The following WDR37 variants were observed in gnomAD, a reference collection of about 807,000 sequenced individuals.
WDR37 encodes WD repeat-containing protein 37.
A neutral mutation model predicts 62.9 loss-of-function variants in WDR37; 19 were observed. That is an observed-to-expected ratio of 0.30 (90% CI 0.21 to 0.44). The LOEUF is 0.44. WDR37 is among the 20% of genes least tolerant of loss of function. WDR37 has a pLI of 1.00. For synonymous variants in WDR37, 250 were observed against 260.9 expected (o/e 0.96, Z 0.40); for missense variants, 474 against 657.6 (o/e 0.72, Z 3.05).
chr10:1,079,584 G>C (rs932735164), intron 3 of WDR37, among the ~76,000 whole-genome samples: 3 of 151,646 alleles, frequency 2.0e-5, no homozygotes, highest in Non-Finnish European at 4.4e-5. Flanking sequence ...GTCCAGGCTG[G>C]AGTGCTGTGG....
rs59784176 is a variant in WDR37 at position 1,085,237 on chromosome 10, G to A, written c.532+699G>A. ...TCTGCCTGCCTTGGGCTCCCAAAGT[G>A]TTGGGATTACAGGCGTGAGCCATCG... On this transcript the variant is annotated intron_variant, in intron 6 of 13. Transcript: ENST00000263150. Among the ~76,000 whole-genome samples, 159 of 152,122 alleles carry A rather than the reference G, an allele frequency of 1.0e-3. 1 individual carries two copies. The highest frequency in any genetic ancestry group is 2.0e-3 in the Non-Finnish European group (136 of 68,008).
chr10:1,123,345 C>CG, intron 11 of WDR37, among the ~76,000 whole-genome samples: 1 of 152,234 alleles, frequency 6.6e-6, no homozygotes, highest in African/African-American at 2.4e-5. Context: ...CATTGTTGTG[C>CG]AACCACCAGC....
chr10:1,115,862 G>A (rs997097417), intron 11 of WDR37, among the ~76,000 whole-genome samples: 10 of 152,338 alleles, frequency 6.6e-5, no homozygotes, highest in Non-Finnish European at 1.3e-4. Flanking sequence ...CTCTGGGGCG[G>A]AAGTGACATG....
intron 11 of WDR37, among the ~76,000 whole-genome samples, chr10:1,122,610 G>A (rs1466235872): frequency 1.3e-5 from 2 of 152,276 alleles, no homozygotes; most frequent in African/African-American, 4.8e-5. Flanking sequence ...TGGATTGTGT[G>A]CCCTTAGCTC....
intron 4 of WDR37, 75 bp from the exon 5 acceptor site, chr10:1,080,337 A>G (rs769677160): frequency 5.6e-5 from 89 of 1,587,952 alleles, no homozygotes; most frequent in Non-Finnish European, 7.3e-5. Flanking sequence ...CCTGTGCAAG[A>G]CACAAGACCC....
chr10:1,070,113 C>T (rs1307506751), intron 1 of WDR37, among the ~76,000 whole-genome samples: 2 of 150,364 alleles, frequency 1.3e-5, no homozygotes, highest in Non-Finnish European at 2.9e-5. Flanking sequence ...GGCTGAGGCA[C>T]GAGATTCTTG....
intron 11 of WDR37, among the ~76,000 whole-genome samples, chr10:1,122,807 C>A (rs1835626527): frequency 6.6e-6 from 1 of 152,240 alleles, no homozygotes; most frequent in African/African-American, 2.4e-5. Flanking sequence ...AGCACAGCCT[C>A]AGCTGGTGAG....
intron 11 of WDR37, among the ~76,000 whole-genome samples, chr10:1,115,034 T>G (rs74117848): frequency 0.079 from 11,975 of 151,884 alleles, 507 homozygotes; most frequent in East Asian, 0.1. Flanking sequence ...TTTTTTGTTT[T>G]TTTTTTTTTG....
chr10:1,095,911 C>T (rs1472893840), intron 8 of WDR37, among the ~76,000 whole-genome samples: 1 of 152,170 alleles, frequency 6.6e-6, no homozygotes, highest in Non-Finnish European at 1.5e-5. Flanking sequence ...TCTGAACTTC[C>T]AGGACTTTCT....
In WDR37 at chr10:1,084,538, G is replaced by A. The variant is rs1433377878; in HGVS notation, c.532G>A (p.Asp178Asn). ...AGTGGTGCTCGGGACTGCATCAGCC[G>A]GTGAGTCGCACACGGACCTGGCCAG... is the stretch of plus-strand genomic sequence containing the variant. Reference protein sequence around the residue: ...QPVVLGTASADHTALLWSIET... With the variant: ...QPVVLGTASANHTALLWSIET... Residue 178 changes from aspartate to asparagine, a missense_variant and splice_region_variant, in exon 6 of 14, where the codon GAT becomes AAT. Asp to Asn is a conservative substitution (Grantham distance 23, BLOSUM62 1). Coordinates refer to ENST00000263150, the MANE Select transcript of WDR37 (RefSeq NM_014023.4). The A allele has an allele frequency of 2.5e-6, 4 of 1,613,570 alleles. No homozygotes were observed. The highest frequency in any genetic ancestry group is 1.7e-5 in the Admixed American group (1 of 60,014).
chr10:1,064,583 CTTTTTTTTTTTTTTTT>C (rs71376884), intron 1 of WDR37, among the ~76,000 whole-genome samples: 35 of 70,490 alleles, frequency 5.0e-4, no homozygotes, highest in Middle Eastern at 0.011. Flanking sequence ...GACAATGGAT[CTTTTTTTTTTTTTTTT>C]TTTTTTTTTT....
intron 1 of WDR37, among the ~76,000 whole-genome samples, chr10:1,063,778 C>T (rs1379769151): frequency 6.6e-6 from 1 of 152,130 alleles, no homozygotes; most frequent in African/African-American, 2.4e-5. Flanking sequence ...AGTGGAAGTT[C>T]GGCAGGAGGC....
At chr10:1,101,455 C>T (rs1834799108) in intron 9 of WDR37, among the ~76,000 whole-genome samples, 1 of 152,208 alleles carries the variant, frequency 6.6e-6, no homozygotes. Flanking sequence ...CTCCTGGTCT[C>T]ATTTTACCTT....
chr10:1,105,442 T>C lies in WDR37; in HGVS notation c.1103+175T>C, dbSNP rs576894436. On this transcript the variant is annotated intron_variant, in intron 11 of 13. Transcript: ENST00000263150. This position sits in a 1 kb window ranked among gnomAD's most constrained non-coding sequence, Gnocchi z 5.3. ...TCTAAACATTTAGCTCCATTTTGGC[T>C]ATTTCAAAGGATGTAGGAGATTAAG... Among the ~76,000 whole-genome samples, 2 of 152,350 alleles carry C rather than the reference T, an allele frequency of 1.3e-5. No homozygotes were observed. The highest frequency in any genetic ancestry group is 2.1e-4 in the South Asian group (1 of 4,824).
chr10:1,104,789 T>C (rs1269330484), intron 10 of WDR37, among the ~76,000 whole-genome samples: 1 of 152,226 alleles, frequency 6.6e-6, no homozygotes, highest in East Asian at 1.9e-4. Context: ...TGAGGACCCA[T>C]AGCGTTGTAT....
intron 11 of WDR37, among the ~76,000 whole-genome samples, chr10:1,107,199 C>T (rs1288781585): frequency 6.6e-6 from 1 of 152,260 alleles, no homozygotes; most frequent in African/African-American, 2.4e-5. Flanking sequence ...GCTTCCCATG[C>T]ATGTTAGCTT....
At chr10:1,067,667 C>G (rs1172750372) in intron 1 of WDR37, among the ~76,000 whole-genome samples, 4 of 152,186 alleles carry the variant, frequency 2.6e-5, no homozygotes, top group African/African-American at 9.7e-5. Flanking sequence ...GATAGTGTCA[C>G]TAGCCATCAG....
intron 1 of WDR37, 78 bp from the exon 2 acceptor site, chr10:1,072,035 AGTC>A: frequency 9.1e-7 from 1 of 1,100,480 alleles, no homozygotes; most frequent in African/African-American, 1.6e-5. Flanking sequence ...TGTAATTAGA[AGTC>A]ATCATTATCT....
chr10:1,087,089 G>A (rs545672615), intron 7 of WDR37, among the ~76,000 whole-genome samples: 8 of 152,248 alleles, frequency 5.3e-5, no homozygotes, highest in Non-Finnish European at 1.0e-4. Context: ...GATGAGCTGT[G>A]GAGCCTTCCC....
Sources: allele counts gnomAD v4.1 joint callset (sites outside exome capture counted in the v4.1 genomes callset), GRCh38; gene constraint gnomAD v4.1.1; non-coding constraint Gnocchi (gnomAD v3.1); transcripts MANE v1.5; gene names NCBI Gene and HGNC (gene_info 2026-07-23, HGNC 2026-07-21).